Variants in MYLK observed in about 807,000 individuals in gnomAD.
MYLK encodes myosin light chain kinase, smooth muscle.
MYLK carries 106 observed loss-of-function variants against 203.4 expected under a neutral mutation model. That is an observed-to-expected ratio of 0.52 (90% confidence interval 0.45 to 0.61). The LOEUF (loss-of-function observed/expected upper bound fraction) is 0.61. Ranked by LOEUF, MYLK falls within the 20% of genes least tolerant of loss-of-function variation. The probability of loss-of-function intolerance (pLI) is 0.00; values close to 1 mark genes in which losing one functional copy is unlikely to be tolerated. For missense variants in MYLK, 2,072 were observed against 2,442.3 expected (o/e 0.85, Z 3.20); for synonymous variants, 867 against 959.5 (o/e 0.90, Z 1.78).
At chr3:123,638,941 C>G (rs2058738841) in intron 28 of MYLK, 8 of 985,342 alleles carry the variant, frequency 8.1e-6, no homozygotes, top group Non-Finnish European at 9.6e-6. Context: ...AGCAAATGTT[C>G]TAAAACAAAG....
At chr3:123,773,050 C>T (rs750029195) in intron 4 of MYLK, among the ~76,000 whole-genome samples, 9 of 151,900 alleles carry the variant, frequency 5.9e-5, no homozygotes, top group Non-Finnish European at 1.3e-4. Flanking sequence ...CAAAGATGTC[C>T]ATGAAGATGT....
chr3:123,829,215 G>A (rs557513508), intron 3 of MYLK, among the ~76,000 whole-genome samples: 1 of 152,012 alleles, frequency 6.6e-6, no homozygotes, highest in Non-Finnish European at 1.5e-5. Context: ...AAGATGAATG[G>A]ATAAATAAAA....
intron 4 of MYLK, among the ~76,000 whole-genome samples, chr3:123,789,918 C>G (rs1444126479): frequency 1.3e-5 from 2 of 152,210 alleles, no homozygotes; most frequent in Non-Finnish European, 2.9e-5. Context: ...GTCTTCTCTC[C>G]TATTCATTCC....
chr3:123,661,354 T>A (rs559750444), intron 23 of MYLK, among the ~76,000 whole-genome samples: 7 of 152,114 alleles, frequency 4.6e-5, no homozygotes, highest in Admixed American at 1.3e-4. Context: ...TGCTTGCTGA[T>A]AGGACGGGAG....
chr3:123,876,176 AC>A (rs2148719751), intron 2 of MYLK, among the ~76,000 whole-genome samples: 1 of 152,178 alleles, frequency 6.6e-6, no homozygotes, highest in South Asian at 2.1e-4. Context: ...AATCAAAGTC[AC>A]TGGGGTATTT....
chr3:123,738,466 G>A (rs1264871501), intron 7 of MYLK, among the ~76,000 whole-genome samples: 1 of 152,176 alleles, frequency 6.6e-6, no homozygotes, highest in Non-Finnish European at 1.5e-5. Context: ...ACTAGTTGAA[G>A]GGTCTAACCC....
At chr3:123,657,498 C>T in intron 23 of MYLK, 70 bp from the exon 24 acceptor site, 1 of 1,521,478 alleles carries the variant, frequency 6.6e-7, no homozygotes, top group Non-Finnish European at 9.0e-7. Context: ...TTTGAATTAC[C>T]TGTGTCATGG....
At chr3:123,811,462 G>A (rs2065558582) in intron 3 of MYLK, among the ~76,000 whole-genome samples, 1 of 152,154 alleles carries the variant, frequency 6.6e-6, no homozygotes, top group Non-Finnish European at 1.5e-5. Flanking sequence ...TAGAGCCCCA[G>A]GAGCCAGGAA....
intron 16 of MYLK, among the ~76,000 whole-genome samples, chr3:123,705,626 T>A (rs1282911368): frequency 3.9e-5 from 6 of 152,144 alleles, no homozygotes; most frequent in Admixed American, 3.9e-4. Flanking sequence ...AGTCTAAATT[T>A]TATGACTGTC....
intron 2 of MYLK, among the ~76,000 whole-genome samples, chr3:123,860,921 G>T (rs572015521): frequency 6.6e-6 from 1 of 152,212 alleles, no homozygotes; most frequent in Admixed American, 6.5e-5. Flanking sequence ...ACGAAGTCAG[G>T]AGATTGAGAC....
At chr3:123,626,074 G>A (rs1410538972) in intron 31 of MYLK, among the ~76,000 whole-genome samples, 3 of 151,980 alleles carry the variant, frequency 2.0e-5, no homozygotes, top group Non-Finnish European at 2.9e-5. Context: ...TGTAAAGTGG[G>A]GATAATAATA....
intron 3 of MYLK, among the ~76,000 whole-genome samples, chr3:123,820,630 CCT>C (rs2065894683): frequency 7.1e-6 from 1 of 141,240 alleles, no homozygotes; most frequent in Non-Finnish European, 1.6e-5. Context: ...TTCCTTCCTT[CCT>C]TCCTTCCTTC....
chr3:123,796,256 C>T (rs895789290), intron 3 of MYLK, among the ~76,000 whole-genome samples: 11 of 152,098 alleles, frequency 7.2e-5, no homozygotes, highest in African/African-American at 2.4e-4. Flanking sequence ...TTGGTATCCC[C>T]ATTTTGTGGA....
intron 23 of MYLK, among the ~76,000 whole-genome samples, chr3:123,658,399 T>G (rs2059458371): frequency 6.6e-6 from 1 of 152,218 alleles, no homozygotes; most frequent in Non-Finnish European, 1.5e-5. Context: ...TTAATGAGGC[T>G]CTTGAGTTTT....
chr3:123,650,421 A>ATG (rs964272899), intron 24 of MYLK, among the ~76,000 whole-genome samples: 64 of 151,410 alleles, frequency 4.2e-4, no homozygotes, highest in African/African-American at 1.2e-3. Context: ...GTGTGTGTGT[A>ATG]TGTGTGTGTG....
chr3:123,857,522 T>C (rs1433244228), intron 2 of MYLK, among the ~76,000 whole-genome samples: 1 of 151,834 alleles, frequency 6.6e-6, no homozygotes, highest in Non-Finnish European at 1.5e-5. Context: ...TTGGAAATCA[T>C]CATTCTCAGT....
At chr3:123,617,769 G>A (rs1443900126) in intron 33 of MYLK, 2 of 152,206 alleles carry the variant, frequency 1.3e-5, no homozygotes, top group Non-Finnish European at 2.9e-5. Flanking sequence ...GTCTTATCTT[G>A]TCCCTTCTCT....
intron 2 of MYLK, among the ~76,000 whole-genome samples, chr3:123,832,918 T>TC (rs1358393624): frequency 6.6e-6 from 1 of 152,130 alleles, no homozygotes; most frequent in Non-Finnish European, 1.5e-5. Flanking sequence ...ACTGAAAACG[T>TC]CCTTACACAA....
At chr3:123,747,585 G>T (rs2063059912) in intron 5 of MYLK, among the ~76,000 whole-genome samples, 1 of 152,182 alleles carries the variant, frequency 6.6e-6, no homozygotes, top group South Asian at 2.1e-4. Context: ...TCCAAGAGTG[G>T]TCTGTGGACC....
Sources: allele counts gnomAD v4.1 joint callset (sites outside exome capture counted in the v4.1 genomes callset), GRCh38; gene constraint gnomAD v4.1.1; transcripts MANE v1.5; gene names NCBI Gene and HGNC (gene_info 2026-07-23, HGNC 2026-07-21).